CACNA1G: variants seen among roughly 807,000 people sequenced by gnomAD.
The protein encoded by CACNA1G is voltage-dependent T-type calcium channel subunit alpha-1G.
Under a neutral mutation model 219.4 loss-of-function variants are expected in CACNA1G, and 67 were observed. That is an observed-to-expected ratio of 0.31 (90% CI 0.25 to 0.37). The LOEUF (loss-of-function observed/expected upper bound fraction) is 0.37, where lower values mean the gene tolerates loss of function less well. CACNA1G is among the 10% of genes least tolerant of loss of function. The probability of loss-of-function intolerance (pLI) is 1.00; values close to 1 mark genes in which losing one functional copy is unlikely to be tolerated. For synonymous variants in CACNA1G, 1,296 were observed against 1,345.3 expected (o/e 0.96, Z 0.80); for missense variants, 2,380 against 3,231.4 (o/e 0.74, Z 6.39).
chr17:50,564,125 AGTGTGTGTGTGTGTGTGTGT>A (rs67152102), intron 1 of CACNA1G, among the ~76,000 whole-genome samples: 4 of 138,702 alleles, frequency 2.9e-5, no homozygotes, highest in African/African-American at 1.2e-4. Flanking sequence ...CCAGGTAGGA[AGTGTGTGTGTGTGTGTGTGT>A]GTGTGTGTGT....
chr17:50,620,399 G>A (rs993872621), intron 34 of CACNA1G, among the ~76,000 whole-genome samples: 3 of 152,238 alleles, frequency 2.0e-5, no homozygotes, highest in African/African-American at 7.2e-5. Context: ...AGTGGATTTT[G>A]AGAACTTGGT....
chr17:50,570,557 CTGTG>C (rs3062844), intron 4 of CACNA1G, among the ~76,000 whole-genome samples: 29 of 132,678 alleles, frequency 2.2e-4, no homozygotes, highest in South Asian at 1.1e-3. Flanking sequence ...CCCCTGCGCT[CTGTG>C]TGTGTGTGTG....
Position 50,626,820 on chromosome 17 carries a change from T to C in CACNA1G, c.*69T>C. Reference sequence around the variant, plus strand: ...AGTCCTAGCTCCTCCTCCTGGGCTATATTCCTGACAAAAGTTCCATATAGA... The same window carrying C: ...AGTCCTAGCTCCTCCTCCTGGGCTACATTCCTGACAAAAGTTCCATATAGA... On this transcript the variant is annotated 3_prime_UTR_variant, in exon 38 of 38. Transcript: ENST00000359106. The surrounding 1 kb of genome is among the most constrained non-coding windows in gnomAD (Gnocchi z 4.3). The C allele has an allele frequency of 6.2e-7, 1 of 1,603,096 alleles. No homozygotes were observed. The highest frequency in any genetic ancestry group is 8.5e-7 in the Non-Finnish European group (1 of 1,171,342).
At position 50,606,486 on chromosome 17, in the gene CACNA1G, G is replaced by C. The variant is rs2047996295; in HGVS notation, c.4423-414G>C. On this transcript the variant is annotated intron_variant, in intron 23 of 37. Coordinates refer to ENST00000359106, the MANE Select transcript of CACNA1G (RefSeq NM_018896.5). The stretch of plus-strand genomic sequence containing the variant: ...GGAGGTCACAATAAGGATGCAATGA[G>C]ATGATGTGTATATTTCTTTAACATG... 3.1e-5 allele frequency: 18 copies of C among 580,096 alleles called. No individual in the cohort carries two copies. The East Asian group carries it at 5.1e-4, about 16-fold the overall frequency. The allele number at this position is 580,096 out of a possible 1,614,324, so 35.9% of individuals were successfully genotyped here. A position where few individuals can be genotyped will look rare whatever the true frequency, so the allele number is the denominator to read the frequency against.
At chr17:50,609,818 CT>C in intron 25 of CACNA1G, 63 bp from the exon 26 acceptor site, 2 of 1,506,790 alleles carry the variant, frequency 1.3e-6, no homozygotes, top group South Asian at 1.1e-5. Context: ...GAAGCCGCCC[CT>C]GAGGGGCCCT....
chr17:50,577,232 ACT>A (rs1399057329), intron 8 of CACNA1G, among the ~76,000 whole-genome samples: 2 of 151,486 alleles, frequency 1.3e-5, no homozygotes, highest in Non-Finnish European at 2.9e-5. Flanking sequence ...GCCCATAATT[ACT>A]CTCAGTGGGT....
chr17:50,624,516 C>A lies in CACNA1G; in HGVS notation c.6386C>A (p.Pro2129Gln), dbSNP rs916597452. ...PPGRSPLAQR[P>Q]LRRQAAIRTD... is the part of the protein sequence containing the mutation. ...GGACGCTCCCCTTTGGCTCAGAGGCCACTCAGGCGCCAGGTGAGCAGATGT... is the reference window on the plus strand; with the variant it reads ...GGACGCTCCCCTTTGGCTCAGAGGCAACTCAGGCGCCAGGTGAGCAGATGT... The change falls in exon 37 of 38, where the codon CCA becomes CAA. Residue 2129 changes from proline (P) to glutamine (Q), a missense_variant. Coordinates refer to ENST00000359106, the MANE Select transcript of CACNA1G (RefSeq NM_018896.5). 1.9e-6 allele frequency: 3 copies of A among 1,592,064 alleles called. No individual in the cohort carries two copies. The highest frequency in any genetic ancestry group is 2.7e-5 in the African/African-American group (2 of 74,356).
At position 50,626,305 on chromosome 17, in the gene CACNA1G, C is replaced by T. The variant is rs767711238; in HGVS notation, c.6688C>T (p.Pro2230Ser). The T allele has an allele frequency of 2.5e-6, 4 of 1,613,188 alleles. No individual in the cohort carries two copies. The highest frequency in any genetic ancestry group is 3.4e-6 in the Non-Finnish European group (4 of 1,179,724). The change falls in exon 38 of 38, where the codon CCC becomes TCC. Residue 2230 changes from proline (P) to serine (S), a missense_variant. This residue lies in a region of CACNA1G where 672 missense variants were observed against 670.5 expected (regional missense o/e 1.00). Coordinates refer to ENST00000359106, the MANE Select transcript of CACNA1G (RefSeq NM_018896.5). This position sits in a 1 kb window ranked among gnomAD's most constrained non-coding sequence, Gnocchi z 4.3. ...GAGCTGGATTTCAGGAGACCTCCTG[C>T]CCCCTGGCGGCCAGGAGGAGCCCCC... ...ELSWISGDLL[P>S]PGGQEEPPSP...
rs2301834 is a variant in CACNA1G at position 50,610,100 on chromosome 17, G to A, written c.4759+165G>A. 3.2e-3 allele frequency among the ~76,000 whole-genome samples: 484 copies of A among 152,342 alleles called. 5 individuals are homozygous for A. The highest frequency in any genetic ancestry group is 0.026 in the East Asian group (136 of 5,176). On this transcript the variant is annotated intron_variant, in intron 26 of 37. Transcript: ENST00000359106. ...GCTCTGCAGCATCCCGCAGGCCTGC[G>A]CCAAACTGGACGGGAGGCGAGGGCC...
intron 19 of CACNA1G, among the ~76,000 whole-genome samples, chr17:50,601,383 A>G (rs1313199649): frequency 6.6e-6 from 1 of 152,150 alleles, no homozygotes; most frequent in Non-Finnish European, 1.5e-5. Flanking sequence ...TCTATGATAC[A>G]TCAGCCCAGC....
chr17:50,607,580 G>A, intron 24 of CACNA1G: 1 of 502,396 alleles, frequency 2.0e-6, no homozygotes, highest in South Asian at 2.7e-5. Context: ...GGAAGACTGG[G>A]CTTGCATTCC....
intron 24 of CACNA1G, 196 bp from the exon 25 acceptor site, chr17:50,607,631 A>T: frequency 3.5e-6 from 2 of 565,162 alleles, no homozygotes; most frequent in Admixed American, 3.1e-5. Flanking sequence ...GCAGTTTTGG[A>T]TGGAGAATCT....
chr17:50,603,273 C>A lies in CACNA1G; in HGVS notation c.4169+74C>A. On this transcript the variant is annotated intron_variant, in intron 21 of 37. Coordinates refer to ENST00000359106, the MANE Select transcript of CACNA1G (RefSeq NM_018896.5). This position sits in a 1 kb window ranked among gnomAD's most constrained non-coding sequence, Gnocchi z 6.4. ...GCAGGGACATCTCCCACCGCCAGCA[C>A]TCCCTGCCACGAAACAAAAGCCTGC... 7.5e-7 allele frequency: 1 copy of A among 1,330,886 alleles called. No individual in the cohort carries two copies. Among genetic ancestry groups the A allele is most frequent in the Non-Finnish European group, 1.0e-6 (1 of 967,406 alleles). The allele number at this position is 1,330,886 out of a possible 1,614,324, so 82.4% of individuals were successfully genotyped here. A position where few individuals can be genotyped will look rare whatever the true frequency, so the allele number is the denominator to read the frequency against.
At chr17:50,590,806 CT>C (rs2044149072) in intron 10 of CACNA1G, among the ~76,000 whole-genome samples, 184 bp downstream of exon 10, 2 of 152,162 alleles carry the variant, frequency 1.3e-5, no homozygotes, top group Non-Finnish European at 2.9e-5. Context: ...CCCTCCATCT[CT>C]CTCTTGGCCC....
chr17:50,594,849 C>A (rs953398158), intron 13 of CACNA1G, 144 bp from the exon 14 acceptor site: 62 of 626,142 alleles, frequency 9.9e-5, no homozygotes, highest in East Asian at 5.3e-4. Flanking sequence ...CCCTCTCTGC[C>A]CCCCCATTCC....
chr17:50,607,141 A>C (rs2048129434), intron 24 of CACNA1G, 152 bp downstream of exon 24: 1 of 705,144 alleles, frequency 1.4e-6, no homozygotes, highest in African/African-American at 1.7e-5. Flanking sequence ...CTGTGGGCCA[A>C]ATCTGGGCAT....
chr17:50,565,875 C>T (rs1452265298), intron 1 of CACNA1G, among the ~76,000 whole-genome samples: 2 of 152,184 alleles, frequency 1.3e-5, no homozygotes, highest in Non-Finnish European at 2.9e-5. Context: ...TCTGCCGTTT[C>T]CTTTTTCTCT....
chr17:50,621,349 G>A lies in CACNA1G; in HGVS notation c.5926-311G>A, dbSNP rs562143567. ...CTCCCTGGGTGGTGGTAGTGTGGGA[G>A]GGGCTGGGGAGGCTCCTGGGGTATC... On this transcript the variant is annotated intron_variant, in intron 34 of 37. Transcript: ENST00000359106. The surrounding 1 kb of genome is among the most constrained non-coding windows in gnomAD (Gnocchi z 4.6). Among the ~76,000 whole-genome samples, 3 of 152,064 alleles carry A rather than the reference G, an allele frequency of 2.0e-5. No homozygotes were observed. Among genetic ancestry groups the A allele is most frequent in the Non-Finnish European group, 4.4e-5 (3 of 68,006 alleles).
chr17:50,587,281 C>T (rs996105243), intron 9 of CACNA1G, among the ~76,000 whole-genome samples: 1 of 152,152 alleles, frequency 6.6e-6, no homozygotes, highest in Non-Finnish European at 1.5e-5. Context: ...CCCTCGGAGC[C>T]TCAGTTTCCC....
Sources: allele counts gnomAD v4.1 joint callset (sites outside exome capture counted in the v4.1 genomes callset), GRCh38; gene constraint gnomAD v4.1.1; regional missense constraint gnomAD v4.1.1; non-coding constraint Gnocchi (gnomAD v3.1); transcripts MANE v1.5; gene names NCBI Gene and HGNC (gene_info 2026-07-23, HGNC 2026-07-21).